Variants in CDK14 observed in about 807,000 individuals in gnomAD.
The protein encoded by CDK14 is cyclin dependent kinase 14, also known as cyclin-dependent kinase 14.
A neutral mutation model predicts 60.7 loss-of-function variants in CDK14; 34 were observed. The ratio of observed to expected loss-of-function variants is 0.56; its 90% CI spans 0.43 to 0.75. CDK14 has a LOEUF of 0.75. CDK14 is among the 30% of genes least tolerant of loss of function. CDK14 has a pLI of 0.00. For synonymous variants in CDK14, 197 were observed against 203.7 expected (o/e 0.97, Z 0.28); for missense variants, 482 against 564.1 (o/e 0.85, Z 1.47).
chr7:90,836,295 CA>C (rs1226860930), intron 5 of CDK14, among the ~76,000 whole-genome samples: 1 of 152,030 alleles, frequency 6.6e-6, no homozygotes, highest in South Asian at 2.1e-4. Context: ...CCTAGATGTA[CA>C]AAAAATATCT....
At chr7:90,996,535 C>G (rs542308026) in intron 10 of CDK14, among the ~76,000 whole-genome samples, 1 of 152,316 alleles carries the variant, frequency 6.6e-6, no homozygotes, top group East Asian at 1.9e-4. Flanking sequence ...TGAAGCATTT[C>G]CCTTAGAGAA....
chr7:90,879,008 G>A lies in CDK14; in HGVS notation c.639+15739G>A, dbSNP rs141885573. 2.8e-4 allele frequency among the ~76,000 whole-genome samples: 43 copies of A among 152,266 alleles called. No homozygotes were observed. The East Asian group carries it at 5.2e-3, about 18-fold the overall frequency. Reference sequence around the variant, plus strand: ...CCCAAATATTTGTATATCAGTCTTCGTAAAAAGAATATGTCTCTCTTCCCT... The same window carrying A: ...CCCAAATATTTGTATATCAGTCTTCATAAAAAGAATATGTCTCTCTTCCCT... On this transcript the variant is annotated intron_variant, in intron 6 of 14. Transcript: ENST00000380050.
At chr7:90,602,348 G>A (rs1799334703) in intron 1 of CDK14, among the ~76,000 whole-genome samples, 1 of 152,132 alleles carries the variant, frequency 6.6e-6, no homozygotes, top group Non-Finnish European at 1.5e-5. Context: ...GTTAGACTTT[G>A]TATTTGAAAT....
chr7:90,744,328 TA>T (rs1327970967), intron 3 of CDK14, among the ~76,000 whole-genome samples: 5 of 152,014 alleles, frequency 3.3e-5, no homozygotes, highest in Admixed American at 6.6e-5. Flanking sequence ...GGGTTGGGGG[TA>T]AGGTCACAGA....
chr7:90,983,850 A>G (rs569214472), intron 9 of CDK14, among the ~76,000 whole-genome samples: 2 of 152,244 alleles, frequency 1.3e-5, no homozygotes, highest in East Asian at 3.9e-4. Flanking sequence ...AACAATAGAC[A>G]CTAGAGACTA....
intron 5 of CDK14, among the ~76,000 whole-genome samples, chr7:90,806,534 G>A (rs994135746): frequency 1.3e-5 from 2 of 152,204 alleles, no homozygotes; most frequent in Non-Finnish European, 2.9e-5. Flanking sequence ...ACAGCTCCCA[G>A]CGTGAGCGAT....
chr7:90,925,396 A>T (rs1010309973), intron 8 of CDK14, among the ~76,000 whole-genome samples: 2 of 152,222 alleles, frequency 1.3e-5, no homozygotes, highest in Admixed American at 6.5e-5. Context: ...TTAAGTGCCC[A>T]TATCATGCGA....
intron 4 of CDK14, among the ~76,000 whole-genome samples, chr7:90,769,386 T>G (rs1261373291): frequency 6.6e-6 from 1 of 152,188 alleles, no homozygotes; most frequent in Non-Finnish European, 1.5e-5. Context: ...ATCAGAATGC[T>G]TTTTATTAGT....
chr7:91,070,483 G>C lies in CDK14; in HGVS notation c.1106-8949G>C, dbSNP rs565954970. 7.2e-5 allele frequency among the ~76,000 whole-genome samples: 11 copies of C among 152,328 alleles called. No individual in the cohort carries two copies. In the East Asian group the frequency reaches 2.1e-3, roughly 29 times the overall value. On this transcript the variant is annotated intron_variant, in intron 11 of 14. Transcript: ENST00000380050. ...ATGAAAAAGGAAATGTTCAGGCTGG[G>C]CTTTGTGGCTCATGCCTATAATTCC...
At chr7:91,050,121 A>G (rs1340178905) in intron 11 of CDK14, among the ~76,000 whole-genome samples, 1 of 152,226 alleles carries the variant, frequency 6.6e-6, no homozygotes, top group Admixed American at 6.5e-5. Context: ...TAATGAAGTC[A>G]TAGACGACGT....
At chr7:90,921,403 A>G (rs1793245815) in intron 8 of CDK14, among the ~76,000 whole-genome samples, 1 of 152,136 alleles carries the variant, frequency 6.6e-6, no homozygotes, top group African/African-American at 2.4e-5. Flanking sequence ...ATTATCTTCT[A>G]GTCTAATTTC....
intron 3 of CDK14, among the ~76,000 whole-genome samples, chr7:90,729,702 CTTTCTT>C (rs1484024493): frequency 6.6e-6 from 1 of 151,396 alleles, no homozygotes; most frequent in African/African-American, 2.4e-5. Flanking sequence ...AACTGCTTTG[CTTTCTT>C]TTTATTTTAG....
intron 6 of CDK14, among the ~76,000 whole-genome samples, chr7:90,888,150 G>A (rs1451910454): frequency 6.6e-6 from 1 of 152,122 alleles, no homozygotes; most frequent in African/African-American, 2.4e-5. Context: ...AGGAGATTGA[G>A]ACCATCCTGG....
At chr7:90,712,881 G>C (rs1802116234) in intron 2 of CDK14, among the ~76,000 whole-genome samples, 1 of 152,076 alleles carries the variant, frequency 6.6e-6, no homozygotes, top group Non-Finnish European at 1.5e-5. Flanking sequence ...TCTTCTTACA[G>C]AGTCAGAGAC....
At chr7:91,117,889 T>C (rs1799654941) in intron 13 of CDK14, among the ~76,000 whole-genome samples, 176 bp from the exon 14 acceptor site, 1 of 152,140 alleles carries the variant, frequency 6.6e-6, no homozygotes, top group Admixed American at 6.6e-5. Flanking sequence ...TCCTATCATA[T>C]GTTTGCAAAT....
At chr7:91,009,895 G>C (rs1343944469) in intron 10 of CDK14, among the ~76,000 whole-genome samples, 1 of 151,950 alleles carries the variant, frequency 6.6e-6, no homozygotes, top group African/African-American at 2.4e-5. Flanking sequence ...TTCCTCCAGA[G>C]GTTTTATAGT....
Position 91,146,046 on chromosome 7 carries a change from G to A in CDK14, c.*28+27838G>A, listed in dbSNP as rs1020510669. Among the ~76,000 whole-genome samples, 10 of 152,224 alleles carry A rather than the reference G, an allele frequency of 6.6e-5. 1 individual carries two copies. In the Middle Eastern group the frequency reaches 0.01, roughly 155 times the overall value. ...AAAACACACAATGGGAAGCTGTGCA[G>A]TTATCTCTCAAAATAGACAATGATG... On this transcript the variant is annotated intron_variant, in intron 14 of 14. Transcript: ENST00000380050.
At chr7:91,059,367 A>C (rs1245773306) in intron 11 of CDK14, among the ~76,000 whole-genome samples, 1 of 151,756 alleles carries the variant, frequency 6.6e-6, no homozygotes, top group Non-Finnish European at 1.5e-5. Context: ...TCCTGGATTC[A>C]TTGATTTTTT....
intron 10 of CDK14, among the ~76,000 whole-genome samples, chr7:91,026,855 C>T (rs1031609716): frequency 6.6e-6 from 1 of 152,290 alleles, no homozygotes; most frequent in South Asian, 2.1e-4. Flanking sequence ...ACTATTATGA[C>T]CATTATAAAT....
Sources: allele counts gnomAD v4.1 joint callset (sites outside exome capture counted in the v4.1 genomes callset), GRCh38; gene constraint gnomAD v4.1.1; transcripts MANE v1.5; gene names NCBI Gene and HGNC (gene_info 2026-07-23, HGNC 2026-07-21).